The following NALF1 variants were observed in gnomAD, a reference collection of about 807,000 sequenced individuals.
NALF1 encodes NALCN channel auxiliary factor 1.
In NALF1, 3 loss-of-function variants were observed where a neutral mutation model predicts 48.4. The ratio of observed to expected loss-of-function variants is 0.06; its 90% CI spans 0.03 to 0.16. The LOEUF is 0.16. Among genes scored for constraint, NALF1 ranks in the 10% least tolerant of loss-of-function variants. The probability of loss-of-function intolerance (pLI) is 1.00; values close to 1 mark genes in which losing one functional copy is unlikely to be tolerated. For synonymous variants in NALF1, 262 were observed against 245.7 expected, an observed-to-expected ratio of 1.07 and a Z score of -0.62; for missense variants, 526 against 571.5, an observed-to-expected ratio of 0.92 and a Z score of 0.81.
intron 1 of NALF1, among the ~76,000 whole-genome samples, chr13:107,533,031 G>A (rs557692905): frequency 6.6e-6 from 1 of 152,062 alleles, no homozygotes; most frequent in Non-Finnish European, 1.5e-5. Context: ...TTAGAAACCA[G>A]ACACTTTGAC....
chr13:107,459,845 G>C (rs1056874752), intron 1 of NALF1, among the ~76,000 whole-genome samples: 2 of 152,120 alleles, frequency 1.3e-5, no homozygotes, highest in African/African-American at 4.8e-5. Flanking sequence ...AGGCTCAAGT[G>C]ATCCTCCCAC....
intron 1 of NALF1, among the ~76,000 whole-genome samples, chr13:107,756,057 T>C (rs1210275279): frequency 6.6e-6 from 1 of 152,184 alleles, no homozygotes; most frequent in African/African-American, 2.4e-5. Context: ...ACTAAAGACA[T>C]TGTGTCTAAT....
chr13:107,818,820 C>A (rs927337180), intron 1 of NALF1, among the ~76,000 whole-genome samples: 1 of 124,766 alleles, frequency 8.0e-6, no homozygotes, highest in African/African-American at 3.5e-5. Context: ...TGCAGTGAGC[C>A]GAGATCGCGC....
At chr13:107,828,178 AT>A (rs1417518385) in intron 1 of NALF1, among the ~76,000 whole-genome samples, 1 of 152,146 alleles carries the variant, frequency 6.6e-6, no homozygotes, top group Non-Finnish European at 1.5e-5. Flanking sequence ...ATGCAATCTT[AT>A]CTTTCTTTTT....
chr13:107,250,103 C>T (rs1189933063), intron 1 of NALF1, among the ~76,000 whole-genome samples: 29 of 134,894 alleles, frequency 2.1e-4, no homozygotes, highest in African/African-American at 6.0e-4. Context: ...TTTTTTTTTT[C>T]CCAAGTTCCC....
rs1397434141 is a variant in NALF1 at position 107,279,099 on chromosome 13, TA to T, written c.916-68345del. ...TGCAGTACCTCAAACTCTGAATTTC[TA>T]CATCAGTTTCTAACTAAACTGAGCT... On this transcript the variant is annotated intron_variant, in intron 1 of 2. Transcript: ENST00000375915. Among the ~76,000 whole-genome samples, 6 of 148,804 alleles carry T rather than the reference TA, an allele frequency of 4.0e-5. No individual in the cohort carries two copies. The East Asian group carries it at 1.0e-3, about 26-fold the overall frequency.
chr13:107,329,243 T>C (rs1372379948), intron 1 of NALF1, among the ~76,000 whole-genome samples: 2 of 152,158 alleles, frequency 1.3e-5, no homozygotes, highest in African/African-American at 2.4e-5. Flanking sequence ...GCACAAAGAA[T>C]GAAGGCATAA....
chr13:107,558,531 G>A (rs2138391206), intron 1 of NALF1, among the ~76,000 whole-genome samples: 1 of 152,278 alleles, frequency 6.6e-6, no homozygotes, highest in African/African-American at 2.4e-5. Context: ...GCCTATGCTT[G>A]TTTTCACAGA....
intron 1 of NALF1, among the ~76,000 whole-genome samples, chr13:107,431,178 C>G (rs1884375275): frequency 6.6e-6 from 1 of 152,146 alleles, no homozygotes; most frequent in Admixed American, 6.6e-5. Flanking sequence ...AGAGCACATA[C>G]TCTAGTTACT....
At chr13:107,416,338 A>G (rs1349832640) in intron 1 of NALF1, among the ~76,000 whole-genome samples, 1 of 151,718 alleles carries the variant, frequency 6.6e-6, no homozygotes, top group Non-Finnish European at 1.5e-5. Context: ...TTTTCAGTGA[A>G]AGTTACAGAG....
intron 1 of NALF1, among the ~76,000 whole-genome samples, chr13:107,733,095 A>G (rs1287224970): frequency 6.6e-6 from 1 of 152,128 alleles, no homozygotes; most frequent in African/African-American, 2.4e-5. Flanking sequence ...CTTCACTCAA[A>G]TCCTGTAAAT....
chr13:107,370,621 G>A (rs557519966), intron 1 of NALF1, among the ~76,000 whole-genome samples: 4 of 120,330 alleles, frequency 3.3e-5, no homozygotes, highest in Admixed American at 3.0e-4. Context: ...CTCCCACCAC[G>A]CCATGCTGAG....
intron 1 of NALF1, among the ~76,000 whole-genome samples, chr13:107,831,531 A>C (rs1879729770): frequency 6.6e-6 from 1 of 152,128 alleles, no homozygotes; most frequent in Non-Finnish European, 1.5e-5. Context: ...TCTTAAAAAA[A>C]GAAAAAAAAA....
intron 1 of NALF1, among the ~76,000 whole-genome samples, chr13:107,676,734 C>G (rs1353036101): frequency 4.6e-5 from 7 of 151,346 alleles, no homozygotes; most frequent in Non-Finnish European, 1.0e-4. Context: ...ATGTATATAC[C>G]CCACATTTGA....
chr13:107,850,478 C>T (rs1043543180), intron 1 of NALF1, among the ~76,000 whole-genome samples: 4 of 152,122 alleles, frequency 2.6e-5, no homozygotes, highest in Non-Finnish European at 4.4e-5. Context: ...CACATACACA[C>T]GAAAAGCCGA....
intron 1 of NALF1, among the ~76,000 whole-genome samples, chr13:107,301,126 T>C (rs1183582022): frequency 2.0e-5 from 3 of 152,182 alleles, no homozygotes; most frequent in Non-Finnish European, 2.9e-5. Flanking sequence ...GTACAAATTA[T>C]CTCTAAAATA....
At chr13:107,442,914 T>C (rs1238890151) in intron 1 of NALF1, among the ~76,000 whole-genome samples, 6 of 152,176 alleles carry the variant, frequency 3.9e-5, no homozygotes, top group African/African-American at 1.4e-4. Context: ...CAAGAGAATA[T>C]TTTAAAATTG....
rs545630818 is a variant in NALF1 at position 107,554,514 on chromosome 13, A to C, written c.915+311168T>G. ...CAGGCAGTGCAACCAGTCCTCAAGAACCTGTGCAGCCCGGGGACCCAGGGA... is the reference window on the plus strand; with the variant it reads ...CAGGCAGTGCAACCAGTCCTCAAGACCCTGTGCAGCCCGGGGACCCAGGGA... On this transcript the variant is annotated intron_variant, in intron 1 of 2. Coordinates refer to ENST00000375915, the MANE Select transcript of NALF1 (RefSeq NM_001080396.3). Among the ~76,000 whole-genome samples the C allele has an allele frequency of 2.0e-5, 3 of 152,122 alleles. No homozygotes were observed. In the East Asian group the frequency reaches 5.8e-4, roughly 30 times the overall value.
At chr13:107,179,100 G>A (rs1312562120) in intron 2 of NALF1, among the ~76,000 whole-genome samples, 1 of 152,110 alleles carries the variant, frequency 6.6e-6, no homozygotes, top group Non-Finnish European at 1.5e-5. Context: ...GCCAAGATTT[G>A]GAAGCAACCT....
Sources: allele counts gnomAD v4.1 joint callset (sites outside exome capture counted in the v4.1 genomes callset), GRCh38; gene constraint gnomAD v4.1.1; transcripts MANE v1.5; gene names NCBI Gene and HGNC (gene_info 2026-07-23, HGNC 2026-07-21).